The following EFCAB11 variants were observed in gnomAD, a reference collection of about 807,000 sequenced individuals.
EFCAB11 encodes EF-hand calcium binding domain 11.
Under a neutral mutation model 23.0 loss-of-function variants are expected in EFCAB11, and 14 were observed. The observed-to-expected ratio is 0.61, with a 90% CI of 0.40 to 0.95. The LOEUF is 0.95. Ranked by LOEUF, EFCAB11 falls within the 40% of genes least tolerant of loss-of-function variation. The pLI is 0.00. For missense variants in EFCAB11, 198 were observed against 195.8 expected, an observed-to-expected ratio of 1.01 and a Z score of -0.07; for synonymous variants, 65 against 66.6, an observed-to-expected ratio of 0.98 and a Z score of 0.11.
intron 5 of EFCAB11, among the ~76,000 whole-genome samples, chr14:89,817,144 A>G (rs559376161): frequency 6.6e-6 from 1 of 152,224 alleles, no homozygotes; most frequent in East Asian, 1.9e-4. Context: ...TTATGTAAAA[A>G]TTCTGAAGTT....
intron 5 of EFCAB11, among the ~76,000 whole-genome samples, chr14:89,871,920 A>G (rs1324881870): frequency 6.6e-6 from 1 of 152,206 alleles, no homozygotes; most frequent in Non-Finnish European, 1.5e-5. Context: ...AAGAACAGAG[A>G]CTGCTGACAG....
chr14:89,825,191 T>C (rs1470395793), intron 5 of EFCAB11, among the ~76,000 whole-genome samples: 2 of 147,158 alleles, frequency 1.4e-5, no homozygotes, highest in African/African-American at 2.5e-5. Flanking sequence ...AACCAAAAAA[T>C]TGGGAGAACT....
At chr14:89,874,970 C>T (rs915051644) in intron 5 of EFCAB11, among the ~76,000 whole-genome samples, 6 of 152,092 alleles carry the variant, frequency 3.9e-5, no homozygotes, top group African/African-American at 7.2e-5. Context: ...CCTAAATCAT[C>T]TCTCTCAAGT....
Position 89,884,392 on chromosome 14 carries a change from G to T in EFCAB11, c.410+47149C>A, listed in dbSNP as rs569020568. Among the ~76,000 whole-genome samples, 4 of 152,046 alleles carry T rather than the reference G, an allele frequency of 2.6e-5. No individual in the cohort carries two copies. The South Asian group carries it at 8.3e-4, about 32-fold the overall frequency. ...CAGGAGCTCCCTTAATCTAATAAAG[G>T]TTATTTATCCCCTAAAAACATAACA... On this transcript the variant is annotated intron_variant, in intron 5 of 5. Coordinates refer to ENST00000316738, the MANE Select transcript of EFCAB11 (RefSeq NM_145231.4).
intron 5 of EFCAB11, among the ~76,000 whole-genome samples, chr14:89,852,773 A>G (rs1887635887): frequency 6.6e-6 from 1 of 152,222 alleles, no homozygotes; most frequent in Non-Finnish European, 1.5e-5. Flanking sequence ...TAAAATATAC[A>G]TAATATAACA....
intron 5 of EFCAB11, among the ~76,000 whole-genome samples, chr14:89,920,745 T>C (rs555622672): frequency 6.6e-6 from 1 of 152,226 alleles, no homozygotes; most frequent in Admixed American, 6.5e-5. Context: ...AGAGGAAAGA[T>C]ATTTTGTGGG....
chr14:89,924,074 G>A (rs1890110886), intron 5 of EFCAB11: 1 of 985,320 alleles, frequency 1.0e-6, no homozygotes, highest in Non-Finnish European at 1.2e-6. Flanking sequence ...TTCTGCCAAG[G>A]GAATATCCAT....
At chr14:89,836,962 C>T (rs1393034984) in intron 5 of EFCAB11, 1 of 449,958 alleles carries the variant, frequency 2.2e-6, no homozygotes, top group Non-Finnish European at 4.5e-6. Flanking sequence ...GTGGAGGCTG[C>T]AGTGAGCCAA....
intron 3 of EFCAB11, among the ~76,000 whole-genome samples, chr14:89,945,654 T>G (rs1281277408): frequency 6.6e-6 from 1 of 152,198 alleles, no homozygotes; most frequent in Admixed American, 6.5e-5. Context: ...TATGACCAAT[T>G]TTATTAAATA....
chr14:89,931,463 T>G, intron 5 of EFCAB11, 78 bp downstream of exon 5: 6 of 1,290,148 alleles, frequency 4.7e-6, no homozygotes, highest in Non-Finnish European at 6.6e-6. Flanking sequence ...ATAAATAAGT[T>G]CTTTCCATAA....
At chr14:89,904,981 A>G (rs1889452712) in intron 5 of EFCAB11, among the ~76,000 whole-genome samples, 1 of 152,104 alleles carries the variant, frequency 6.6e-6, no homozygotes, top group African/African-American at 2.4e-5. Context: ...AGTTTTTTCT[A>G]TGCTCTTTGC....
At chr14:89,859,858 A>C (rs990499801) in intron 5 of EFCAB11, among the ~76,000 whole-genome samples, 6 of 152,198 alleles carry the variant, frequency 3.9e-5, no homozygotes, top group Non-Finnish European at 7.4e-5. Flanking sequence ...TGATTAGTGG[A>C]AGACAGAATA....
At chr14:89,939,691 C>T (rs936387922) in intron 3 of EFCAB11, among the ~76,000 whole-genome samples, 3 of 152,212 alleles carry the variant, frequency 2.0e-5, no homozygotes, top group African/African-American at 7.2e-5. Flanking sequence ...AATATAACAT[C>T]TGGCCGTAAA....
chr14:89,927,338 T>C (rs1394378351), intron 5 of EFCAB11, among the ~76,000 whole-genome samples: 1 of 152,208 alleles, frequency 6.6e-6, no homozygotes, highest in Non-Finnish European at 1.5e-5. Context: ...TAAAAACTTA[T>C]TCAGTCATTC....
chr14:89,933,927 C>T (rs1045683025), intron 3 of EFCAB11, among the ~76,000 whole-genome samples: 3 of 152,162 alleles, frequency 2.0e-5, no homozygotes, highest in African/African-American at 7.2e-5. Context: ...TACCAACTGC[C>T]TAATGTTGGG....
At chr14:89,937,802 G>A (rs1021382282) in intron 3 of EFCAB11, among the ~76,000 whole-genome samples, 1 of 152,018 alleles carries the variant, frequency 6.6e-6, no homozygotes, top group Non-Finnish European at 1.5e-5. Context: ...GGGATTACAG[G>A]CATGAACCAC....
intron 3 of EFCAB11, among the ~76,000 whole-genome samples, chr14:89,938,520 T>C (rs189736624): frequency 6.6e-6 from 1 of 152,286 alleles, no homozygotes; most frequent in East Asian, 1.9e-4. Context: ...ATTCAGAGGA[T>C]AATATTTTCT....
chr14:89,840,175 A>G (rs1273189009), intron 5 of EFCAB11, among the ~76,000 whole-genome samples: 1 of 152,248 alleles, frequency 6.6e-6, no homozygotes, highest in Non-Finnish European at 1.5e-5. Context: ...TGAGAAATCT[A>G]GAAAAACTGC....
chr14:89,842,086 T>C (rs116806014), intron 5 of EFCAB11, among the ~76,000 whole-genome samples: 198 of 152,294 alleles, frequency 1.3e-3, no homozygotes, highest in African/African-American at 4.6e-3. Context: ...TCTTGATGCC[T>C]ACCTATCCTT....
Sources: allele counts gnomAD v4.1 joint callset (sites outside exome capture counted in the v4.1 genomes callset), GRCh38; gene constraint gnomAD v4.1.1; transcripts MANE v1.5; gene names NCBI Gene and HGNC (gene_info 2026-07-23, HGNC 2026-07-21).